Variants in HSD17B6 observed in about 807,000 individuals in gnomAD.
HSD17B6 encodes hydroxysteroid 17-beta dehydrogenase 6.
Under a neutral mutation model 26.4 loss-of-function variants are expected in HSD17B6, and 16 were observed. That is an observed-to-expected ratio of 0.61 (90% CI 0.41 to 0.92). The LOEUF (loss-of-function observed/expected upper bound fraction) is 0.92, where lower values mean the gene tolerates loss of function less well. Among genes scored for constraint, HSD17B6 ranks in the 40% least tolerant of loss-of-function variants. The pLI is 0.00. For synonymous variants in HSD17B6, 139 were observed against 153.0 expected, an observed-to-expected ratio of 0.91 and a Z score of 0.68; for missense variants, 357 against 386.1, an observed-to-expected ratio of 0.92 and a Z score of 0.63.
chr12:56,764,164 T>C (rs563916840), intron 1 of HSD17B6, among the ~76,000 whole-genome samples: 21 of 151,870 alleles, frequency 1.4e-4, no homozygotes, highest in African/African-American at 5.1e-4. Flanking sequence ...GAGGAATACT[T>C]AGCCTGTATG....
chr12:56,783,404 G>A (rs1458596051), intron 3 of HSD17B6, among the ~76,000 whole-genome samples: 5 of 139,892 alleles, frequency 3.6e-5, no homozygotes, highest in African/African-American at 5.4e-5. Context: ...GCGGCTGGCC[G>A]GGCAGAGGGG....
chr12:56,787,424 G>T lies in HSD17B6; in HGVS notation c.*82G>T. ...CTCAGTAATCCTGATTTAGAACCCAGGCTTTTTGTAACAATGTGTTTTCTT... is the reference window on the plus strand; with the variant it reads ...CTCAGTAATCCTGATTTAGAACCCATGCTTTTTGTAACAATGTGTTTTCTT... On this transcript the variant is annotated 3_prime_UTR_variant, in exon 5 of 5. Transcript: ENST00000322165. 1 of 872,488 alleles carries T rather than the reference G, an allele frequency of 1.1e-6. No individual in the cohort carries two copies. Among genetic ancestry groups the T allele is most frequent in the South Asian group, 1.6e-5 (1 of 60,616 alleles). 54.0% of individuals were successfully genotyped at this position (872,488 alleles called of 1,614,324 possible).
chr12:56,773,409 T>G (rs1385232175), intron 1 of HSD17B6, among the ~76,000 whole-genome samples: 1 of 152,252 alleles, frequency 6.6e-6, no homozygotes, highest in Non-Finnish European at 1.5e-5. Context: ...TTCTTATGTA[T>G]GTTCTGCTCT....
intron 4 of HSD17B6, chr12:56,785,869 G>T (rs575117966): frequency 1.3e-6 from 1 of 784,882 alleles, no homozygotes; most frequent in African/African-American, 1.9e-5. Flanking sequence ...AGCCCTATGG[G>T]CCATTCCCTG....
chr12:56,774,714 C>T (rs935927656), intron 2 of HSD17B6, among the ~76,000 whole-genome samples: 3 of 152,232 alleles, frequency 2.0e-5, no homozygotes, highest in African/African-American at 7.2e-5. Flanking sequence ...ATTAGATTCT[C>T]AACAGGAGTG....
chr12:56,766,669 T>C (rs563314946), intron 1 of HSD17B6, among the ~76,000 whole-genome samples: 13 of 152,134 alleles, frequency 8.5e-5, no homozygotes, highest in Non-Finnish European at 1.8e-4. Context: ...TTTAGGGAAA[T>C]TAACCAGACA....
At chr12:56,769,561 C>T (rs1954424803) in intron 1 of HSD17B6, among the ~76,000 whole-genome samples, 1 of 152,074 alleles carries the variant, frequency 6.6e-6, no homozygotes, top group South Asian at 2.1e-4. Flanking sequence ...ATAAAATTAA[C>T]CAGATAGCAT....
intron 1 of HSD17B6, among the ~76,000 whole-genome samples, 151 bp downstream of exon 1, chr12:56,763,565 C>T (rs1370391849): frequency 2.6e-5 from 4 of 150,974 alleles, no homozygotes; most frequent in African/African-American, 4.9e-5. Flanking sequence ...AACTTTGATT[C>T]GTGAAAGAAA....
intron 2 of HSD17B6, 119 bp downstream of exon 2, chr12:56,774,284 G>C (rs992554305): frequency 2.3e-6 from 2 of 876,356 alleles, no homozygotes; most frequent in Non-Finnish European, 1.7e-6. Context: ...ACTAAAATCC[G>C]AGGATGCTCA....
At position 56,784,469 on chromosome 12, in the gene HSD17B6, G is replaced by C. The variant is rs559194577; in HGVS notation, c.573-384G>C. On this transcript the variant is annotated intron_variant, in intron 3 of 4. Coordinates refer to ENST00000322165, the MANE Select transcript of HSD17B6 (RefSeq NM_003725.4). Reference sequence around the variant, plus strand: ...GCTGGCGGATCACTCGCGGTTAGGAGCTGGAGACCGGCCCGGCCAACACAG... The same window carrying C: ...GCTGGCGGATCACTCGCGGTTAGGACCTGGAGACCGGCCCGGCCAACACAG... 5.3e-5 allele frequency among the ~76,000 whole-genome samples: 8 copies of C among 152,346 alleles called. 1 individual carries two copies. In the South Asian group the frequency reaches 1.0e-3, roughly 20 times the overall value.
intron 2 of HSD17B6, among the ~76,000 whole-genome samples, chr12:56,779,789 T>A (rs932320501): frequency 1.4e-5 from 2 of 143,834 alleles, no homozygotes; most frequent in East Asian, 3.9e-4. Flanking sequence ...TTTAGATTTA[T>A]CCTCTTTTTA....
intron 2 of HSD17B6, among the ~76,000 whole-genome samples, chr12:56,777,834 C>T (rs1391249613): frequency 6.6e-6 from 1 of 152,068 alleles, no homozygotes; most frequent in Non-Finnish European, 1.5e-5. Flanking sequence ...CCAGCCTGGG[C>T]AACACAGTGA....
chr12:56,769,923 G>GA (rs1382856374), intron 1 of HSD17B6, among the ~76,000 whole-genome samples: 2 of 152,194 alleles, frequency 1.3e-5, no homozygotes, highest in Non-Finnish European at 2.9e-5. Flanking sequence ...AATGCCCGGG[G>GA]AAACTGTGAG....
At chr12:56,763,481 G>A (rs1227424592) in intron 1 of HSD17B6, 67 bp downstream of exon 1, 1 of 141,566 alleles carries the variant, frequency 7.1e-6, no homozygotes, top group Non-Finnish European at 1.5e-5. Context: ...GTGTGTGTGT[G>A]TAGGGGATAT....
At chr12:56,784,820 T>A in intron 3 of HSD17B6, 33 bp from the exon 4 acceptor site, 1 of 1,600,668 alleles carries the variant, frequency 6.2e-7, no homozygotes, top group Non-Finnish European at 8.5e-7. Flanking sequence ...ATGGTGGTGG[T>A]CTTTAATCAT....
At chr12:56,774,935 A>G (rs867710331) in intron 2 of HSD17B6, among the ~76,000 whole-genome samples, 1 of 152,242 alleles carries the variant, frequency 6.6e-6, no homozygotes, top group Admixed American at 6.5e-5. Flanking sequence ...GGCTGGTACC[A>G]GTCTATGGCC....
chr12:56,778,220 AC>A (rs1954633758), intron 2 of HSD17B6, among the ~76,000 whole-genome samples: 1 of 152,232 alleles, frequency 6.6e-6, no homozygotes, highest in Admixed American at 6.5e-5. Context: ...TGGAAATTCT[AC>A]TAGTGCCTGA....
chr12:56,767,750 CG>C (rs1009459281), intron 1 of HSD17B6, among the ~76,000 whole-genome samples: 39 of 139,738 alleles, frequency 2.8e-4, no homozygotes, highest in African/African-American at 8.5e-4. Context: ...ATTATATATA[CG>C]TATATATATG....
intron 2 of HSD17B6, among the ~76,000 whole-genome samples, chr12:56,775,140 T>G (rs1237844483): frequency 6.6e-6 from 1 of 152,250 alleles, no homozygotes; most frequent in Non-Finnish European, 1.5e-5. Flanking sequence ...TGAGGTCTTT[T>G]GTGGCGTTTC....
Sources: gnomAD v4.1 joint callset for allele counts (sites outside exome capture counted in the v4.1 genomes callset) on GRCh38, gnomAD v4.1.1 for gene constraint, MANE v1.5 for transcripts, NCBI Gene and HGNC (gene_info 2026-07-23, HGNC 2026-07-21) for gene names.